ITSN1: variants seen among roughly 807,000 people sequenced by gnomAD.
ITSN1 encodes intersectin-1.
In ITSN1, 58 loss-of-function variants were observed where a neutral mutation model predicts 239.8. The observed-to-expected ratio is 0.24, with a 90% CI of 0.20 to 0.30. The LOEUF (loss-of-function observed/expected upper bound fraction) is 0.30, where lower values mean the gene tolerates loss of function less well. Ranked by LOEUF, ITSN1 falls within the 10% of genes least tolerant of loss-of-function variation. ITSN1 has a pLI of 1.00. For missense variants in ITSN1, 1,558 were observed against 2,103.3 expected (o/e 0.74, Z 5.07); for synonymous variants, 780 against 770.8 (o/e 1.01, Z -0.20).
intron 1 of ITSN1, among the ~76,000 whole-genome samples, chr21:33,710,808 T>G (rs1012285087): frequency 3.9e-4 from 59 of 151,130 alleles, no homozygotes; most frequent in East Asian, 1.9e-4. Flanking sequence ...GTTTTTTGTT[T>G]TTTTTTTTTT....
chr21:33,789,860 A>G (rs900535578), intron 16 of ITSN1, among the ~76,000 whole-genome samples: 4 of 152,160 alleles, frequency 2.6e-5, no homozygotes, highest in Admixed American at 6.5e-5. Context: ...TGGGTATTCA[A>G]TTTGTCAAAC....
At chr21:33,701,509 T>G (rs2092008195) in intron 1 of ITSN1, among the ~76,000 whole-genome samples, 2 of 151,968 alleles carry the variant, frequency 1.3e-5, no homozygotes, top group Admixed American at 1.3e-4. Flanking sequence ...TTTAAAAAAT[T>G]TGGCTGGGCA....
Position 33,882,945 on chromosome 21 carries a change from C to T in ITSN1, c.4554+490C>T, listed in dbSNP as rs1007454893. Among the ~76,000 whole-genome samples the T allele has an allele frequency of 2.0e-5, 3 of 152,210 alleles. No homozygotes were observed. The highest frequency in any genetic ancestry group is 4.4e-5 in the Non-Finnish European group (3 of 68,030). ...CCCTCAGCTGTTTATATGGTCTGCT[C>T]ATACGTGCATGGCTGTGTTTGTGTG... On this transcript the variant is annotated intron_variant, in intron 35 of 39. Transcript: ENST00000381318. This position sits in a 1 kb window ranked among gnomAD's most constrained non-coding sequence, Gnocchi z 4.5.
chr21:33,858,639 T>A (rs1402749926), intron 30 of ITSN1, 47 bp from the exon 31 acceptor site: 2 of 1,271,984 alleles, frequency 1.6e-6, no homozygotes, highest in South Asian at 1.2e-5. Context: ...AGTGTGTGAG[T>A]TTTAAGCTAA....
At chr21:33,715,368 C>T (rs1017548842) in intron 1 of ITSN1, among the ~76,000 whole-genome samples, 5 of 151,958 alleles carry the variant, frequency 3.3e-5, no homozygotes, top group Admixed American at 3.3e-4. Context: ...CTTTATTTTG[C>T]AACACAGTAA....
At chr21:33,781,656 C>A in intron 15 of ITSN1, 108 bp downstream of exon 15, 1 of 650,088 alleles carries the variant, frequency 1.5e-6, no homozygotes, top group Non-Finnish European at 2.6e-6. Context: ...TCTCGGCCAA[C>A]TGTAACCTCC....
rs531880622 is a variant in ITSN1, at chr21:33,796,253, G to A, written c.1953-1126G>A. ...CCCAAAGTGCTGGGATTACAGGCAT[G>A]AGCCACCGCGCCTGGCCACTGTTTT... On this transcript the variant is annotated intron_variant, in intron 17 of 39. Transcript: ENST00000381318. Among the ~76,000 whole-genome samples the A allele has an allele frequency of 7.1e-3, 1,085 of 152,220 alleles. 12 individuals carry two copies. The highest frequency in any genetic ancestry group is 0.025 in the African/African-American group (1,037 of 41,526).
At chr21:33,883,067 GA>G (rs1373482494) in intron 35 of ITSN1, among the ~76,000 whole-genome samples, 16 of 151,564 alleles carry the variant, frequency 1.1e-4, no homozygotes, top group African/African-American at 2.9e-4. Flanking sequence ...TTTATTATGG[GA>G]AAAAAAAGAG....
At chr21:33,803,521 T>C (rs1283446889) in intron 20 of ITSN1, among the ~76,000 whole-genome samples, 1 of 152,160 alleles carries the variant, frequency 6.6e-6, no homozygotes, top group Admixed American at 6.5e-5. Flanking sequence ...ACATAAGATT[T>C]CCATCAAAAA....
chr21:33,775,750 C>T (rs1441390369), intron 14 of ITSN1, among the ~76,000 whole-genome samples: 1 of 152,176 alleles, frequency 6.6e-6, no homozygotes, highest in Non-Finnish European at 1.5e-5. Context: ...TTTGGCTTTA[C>T]TGTGGTAATT....
At chr21:33,861,797 AT>A (rs2148491559) in intron 31 of ITSN1, among the ~76,000 whole-genome samples, 1 of 151,882 alleles carries the variant, frequency 6.6e-6, no homozygotes, top group Non-Finnish European at 1.5e-5. Flanking sequence ...ATACAAAAAA[AT>A]AGCCAGGCGT....
At chr21:33,737,244 T>C (rs140391614) in intron 5 of ITSN1, among the ~76,000 whole-genome samples, 1 of 152,314 alleles carries the variant, frequency 6.6e-6, no homozygotes, top group African/African-American at 2.4e-5. Context: ...CTGAGAAAGT[T>C]TTACAGTCGT....
chr21:33,815,354 C>T (rs559494926), intron 22 of ITSN1, among the ~76,000 whole-genome samples: 7 of 151,752 alleles, frequency 4.6e-5, no homozygotes, highest in East Asian at 1.9e-4. Context: ...GCATTTAGCA[C>T]GTGTCACATG....
chr21:33,730,470 C>T (rs1345808219), intron 4 of ITSN1, among the ~76,000 whole-genome samples: 2 of 129,306 alleles, frequency 1.5e-5, no homozygotes, highest in East Asian at 2.7e-4. Context: ...GACGTGATCT[C>T]GGCTCACTGC....
intron 33 of ITSN1, 111 bp from the exon 34 acceptor site, chr21:33,875,243 T>C (rs1490266009): frequency 1.1e-5 from 13 of 1,197,182 alleles, no homozygotes; most frequent in Non-Finnish European, 1.6e-5. Flanking sequence ...GTGGGCGCCG[T>C]CCATGAAAGG....
intron 5 of ITSN1, chr21:33,735,658 T>G (rs1020485450): frequency 5.8e-6 from 1 of 173,872 alleles, no homozygotes; most frequent in African/African-American, 2.4e-5. Context: ...TTAAATTCTT[T>G]CTTAGAACAA....
rs529666236 is a variant in ITSN1 at position 33,785,323 on chromosome 21, G to C, written c.1824+3190G>C. ...TCACCTACTTTGATGCATGCTCAGA[G>C]TTATGTCCAGTTTCTTAGGTATAAA... On this transcript the variant is annotated intron_variant, in intron 16 of 39. Coordinates refer to ENST00000381318, the MANE Select transcript of ITSN1 (RefSeq NM_003024.3). Among the ~76,000 whole-genome samples, 41 of 152,268 alleles carry C rather than the reference G, an allele frequency of 2.7e-4. No homozygotes were observed. In the South Asian group the frequency reaches 8.3e-3, roughly 31 times the overall value.
chr21:33,672,867 A>G (rs922928880), intron 1 of ITSN1, among the ~76,000 whole-genome samples: 8 of 152,274 alleles, frequency 5.3e-5, no homozygotes, highest in Admixed American at 2.6e-4. Flanking sequence ...GCGTGCCACC[A>G]CGCCCTGCTA....
At chr21:33,874,022 C>T (rs1395212153) in intron 33 of ITSN1, among the ~76,000 whole-genome samples, 5 of 150,288 alleles carry the variant, frequency 3.3e-5, no homozygotes, top group Admixed American at 6.6e-5. Context: ...ATTAGCCAGG[C>T]GTGGTGGCTG....
Sources: allele counts gnomAD v4.1 joint callset (sites outside exome capture counted in the v4.1 genomes callset), GRCh38; gene constraint gnomAD v4.1.1; non-coding constraint Gnocchi (gnomAD v3.1); transcripts MANE v1.5; gene names NCBI Gene and HGNC (gene_info 2026-07-23, HGNC 2026-07-21).